Variants in RBM25 observed in about 807,000 individuals in gnomAD.
RBM25 encodes the protein RNA-binding protein 25.
In RBM25, 19 loss-of-function variants were observed where a neutral mutation model predicts 120.7. That is an observed-to-expected ratio of 0.16 (90% CI 0.11 to 0.23). RBM25 has a LOEUF of 0.23. Ranked by LOEUF, RBM25 falls within the 10% of genes least tolerant of loss-of-function variation. The probability of loss-of-function intolerance (pLI) is 1.00; values close to 1 mark genes in which losing one functional copy is unlikely to be tolerated. For missense variants in RBM25, 605 were observed against 1,041.5 expected, an observed-to-expected ratio of 0.58 and a Z score of 5.77; for synonymous variants, 390 against 326.7, an observed-to-expected ratio of 1.19 and a Z score of -2.09.
Position 73,097,041 on chromosome 14 carries a change from G to T in RBM25, c.670G>T (p.Ala224Ser). The change falls in exon 7 of 19, where the codon GCC (alanine) becomes TCC (serine). Residue 224 changes from alanine to serine, a missense_variant. Ala to Ser is a moderately conservative substitution (Grantham distance 99, BLOSUM62 1). Coordinates refer to ENST00000261973, the MANE Select transcript of RBM25 (RefSeq NM_021239.3). ...TCGTGAATACTCCAGTGAGCTAAAT[G>T]CCCCCTCACAGGAATCTGATTCTCA... is the stretch of plus-strand genomic sequence containing the variant. Reference protein sequence around the residue: ...LIREYSSELNAPSQESDSHPR... With the variant: ...LIREYSSELNSPSQESDSHPR... 5 of 1,613,716 alleles carry T rather than the reference G, an allele frequency of 3.1e-6. No individual in the cohort carries two copies. The highest frequency in any genetic ancestry group is 4.2e-6 in the Non-Finnish European group (5 of 1,179,888).
intron 4 of RBM25, among the ~76,000 whole-genome samples, chr14:73,081,902 T>C (rs1477726877): frequency 6.6e-6 from 1 of 152,250 alleles, no homozygotes; most frequent in East Asian, 1.9e-4. Context: ...TTTTAGTTCC[T>C]AATTATGTGA....
chr14:73,064,538 G>A (rs564066119), intron 1 of RBM25, among the ~76,000 whole-genome samples: 46 of 151,134 alleles, frequency 3.0e-4, no homozygotes, highest in African/African-American at 9.9e-4. Flanking sequence ...GGGACTACGG[G>A]CGCCTACCAC....
rs1416032844 is a variant in RBM25 at position 73,105,145 on chromosome 14, G to A, written c.1155-714G>A. Among the ~76,000 whole-genome samples, 3 of 35,158 alleles carry A rather than the reference G, an allele frequency of 8.5e-5. No individual in the cohort carries two copies. The South Asian group carries it at 2.2e-3, about 26-fold the overall frequency. 23.1% of individuals were successfully genotyped at this position (35,158 alleles called of 152,430 possible). On this transcript the variant is annotated intron_variant, in intron 10 of 18. Coordinates refer to ENST00000261973, the MANE Select transcript of RBM25 (RefSeq NM_021239.3). ...TTATTACTTTTTTTTTTTTTTTTTT[G>A]GAGACGGGCTGGAGTGCAGTGATAC...
intron 12 of RBM25, among the ~76,000 whole-genome samples, chr14:73,106,690 G>A (rs1207721142): frequency 7.2e-5 from 11 of 151,822 alleles, no homozygotes; most frequent in Admixed American, 5.3e-4. Context: ...TAGAGTTGGG[G>A]GGCATTACCT....
At chr14:73,106,977 T>C (rs1368813051) in intron 12 of RBM25, among the ~76,000 whole-genome samples, 4 of 152,036 alleles carry the variant, frequency 2.6e-5, no homozygotes, top group African/African-American at 9.7e-5. Flanking sequence ...GTAGCTGGGA[T>C]TACAGGCGTG....
At chr14:73,059,119 A>G (rs543542107) in intron 1 of RBM25, among the ~76,000 whole-genome samples, 1 of 151,470 alleles carries the variant, frequency 6.6e-6, no homozygotes, top group African/African-American at 2.4e-5. Context: ...GGCCTGGGAC[A>G]CTCTCGCCCC....
At chr14:73,083,958 C>T (rs1895624205) in intron 5 of RBM25, among the ~76,000 whole-genome samples, 1 of 149,180 alleles carries the variant, frequency 6.7e-6, no homozygotes, top group East Asian at 2.0e-4. Context: ...AGTGCAGTGG[C>T]GTGATCTTGG....
chr14:73,112,061 A>G lies in RBM25; in HGVS notation c.2293-91A>G, dbSNP rs548810065. The G allele has an allele frequency of 6.5e-6, 8 of 1,232,542 alleles. No individual in the cohort carries two copies. The African/African-American group carries it at 1.2e-4, about 19-fold the overall frequency. The allele number at this position is 1,232,542 out of a possible 1,614,324, so 76.4% of individuals were successfully genotyped here. A position where few individuals can be genotyped will look rare whatever the true frequency, so the allele number is the denominator to read the frequency against. On this transcript the variant is annotated intron_variant, in intron 16 of 18. Coordinates refer to ENST00000261973, the MANE Select transcript of RBM25 (RefSeq NM_021239.3). The stretch of plus-strand genomic sequence containing the variant: ...TTAGTTCAACTTGTGAAATAACATT[A>G]TATTTTAGTCTCAGGAAAAATCATG...
At chr14:73,114,378 AG>A in intron 18 of RBM25, 45 bp downstream of exon 18, 1 of 1,455,762 alleles carries the variant, frequency 6.9e-7, no homozygotes, top group Non-Finnish European at 9.3e-7. Flanking sequence ...ATTTAAAAAA[AG>A]TTTTTGGTTT....
intron 18 of RBM25, among the ~76,000 whole-genome samples, chr14:73,117,684 G>A (rs558245246): frequency 1.4e-4 from 21 of 152,182 alleles, no homozygotes; most frequent in Middle Eastern, 3.2e-3. Context: ...TGAGGCTCAG[G>A]TTAAGTAACC....
At chr14:73,071,184 A>G (rs1895280338) in intron 1 of RBM25, among the ~76,000 whole-genome samples, 1 of 149,494 alleles carries the variant, frequency 6.7e-6, no homozygotes, top group Non-Finnish European at 1.5e-5. Context: ...GGAGGTTGCA[A>G]TGAGCAGAGA....
intron 9 of RBM25, chr14:73,101,338 C>T (rs1480972304): frequency 1.3e-5 from 2 of 152,288 alleles, no homozygotes; most frequent in African/African-American, 2.4e-5. Context: ...CGTCCATTTA[C>T]AGCACGGATG....
rs1252498850 is a variant in RBM25, at chr14:73,119,917, T to G, written c.*112T>G. The G allele has an allele frequency of 6.4e-6, 9 of 1,415,430 alleles. No homozygotes were observed. The highest frequency in any genetic ancestry group is 1.5e-5 in the South Asian group (1 of 68,406). 87.7% of individuals were successfully genotyped at this position (1,415,430 alleles called of 1,614,324 possible). A position where few individuals can be genotyped will look rare whatever the true frequency, so the allele number is the denominator to read the frequency against. The stretch of plus-strand genomic sequence containing the variant: ...TGTGAGATCTGTAATTTTTTTTTTT[T>G]GTAGAAAATGTGAATTTTTTGGTCC... On this transcript the variant is annotated 3_prime_UTR_variant, in exon 19 of 19. Transcript: ENST00000261973.
intron 6 of RBM25, among the ~76,000 whole-genome samples, chr14:73,092,526 A>AG (rs1412996683): frequency 2.0e-5 from 3 of 151,674 alleles, no homozygotes; most frequent in Non-Finnish European, 4.4e-5. Flanking sequence ...GAGTTTGTCT[A>AG]GGGGAGCAAC....
intron 5 of RBM25, among the ~76,000 whole-genome samples, chr14:73,086,432 G>A (rs1594911949): frequency 6.8e-6 from 1 of 147,214 alleles, no homozygotes; most frequent in Non-Finnish European, 1.5e-5. Flanking sequence ...GCGAGACTCC[G>A]TCTAAAAAAA....
chr14:73,097,768 C>T (rs944056670), intron 7 of RBM25, among the ~76,000 whole-genome samples: 1 of 152,136 alleles, frequency 6.6e-6, no homozygotes, highest in African/African-American at 2.4e-5. Context: ...ACATTCCCCT[C>T]CCTGAACAAT....
intron 1 of RBM25, chr14:73,068,307 A>G: frequency 2.5e-6 from 2 of 799,832 alleles, no homozygotes; most frequent in African/African-American, 1.7e-5. Context: ...TGTGAGTACC[A>G]AAGGATTTCA....
intron 6 of RBM25, chr14:73,088,458 T>C: frequency 1.6e-5 from 8 of 505,590 alleles, no homozygotes; most frequent in South Asian, 9.5e-5. Flanking sequence ...AGCTAATTCA[T>C]TAAGGCAGCT....
rs1384697579 is a variant in RBM25 at position 73,106,042 on chromosome 14, T to C, written c.1338T>C (p.Leu446=). The change falls in exon 11 of 19, where the codon CTT becomes CTC. Residue 446 remains leucine (L), a synonymous_variant. Coordinates refer to ENST00000261973, the MANE Select transcript of RBM25 (RefSeq NM_021239.3). ...DEEDAYERRK[L]ERKLREKEAA... ...AAGATGCATACGAACGAAGAAAACT[T>C]GAAAGAAAACTCCGAGAGAAAGAAG... 6.2e-7 allele frequency: 1 copy of C among 1,609,690 alleles called. No individual in the cohort carries two copies. The highest frequency in any genetic ancestry group is 8.5e-7 in the Non-Finnish European group (1 of 1,179,098).
Sources: allele counts gnomAD v4.1 joint callset (sites outside exome capture counted in the v4.1 genomes callset), GRCh38; gene constraint gnomAD v4.1.1; transcripts MANE v1.5; gene names NCBI Gene and HGNC (gene_info 2026-07-23, HGNC 2026-07-21).